COG5: variants seen among roughly 807,000 people sequenced by gnomAD.
COG5 encodes conserved oligomeric Golgi complex subunit 5.
In COG5, 86 loss-of-function variants were observed where a neutral mutation model predicts 110.4. The ratio of observed to expected loss-of-function variants is 0.78; its 90% CI spans 0.65 to 0.93. COG5 has a LOEUF of 0.93. Among genes scored for constraint, COG5 ranks in the 40% least tolerant of loss-of-function variants. COG5 has a pLI of 0.00. For synonymous variants in COG5, 360 were observed against 334.6 expected (o/e 1.08, Z -0.83); for missense variants, 1,077 against 987.0 (o/e 1.09, Z -1.22).
chr7:107,424,055 C>T (rs540172321), intron 6 of COG5, among the ~76,000 whole-genome samples: 2 of 152,044 alleles, frequency 1.3e-5, no homozygotes, highest in African/African-American at 4.8e-5. Flanking sequence ...GGCGGACTGC[C>T]CGAGCTCACG....
chr7:107,251,211 G>A (rs950945098), intron 16 of COG5, among the ~76,000 whole-genome samples: 1 of 150,944 alleles, frequency 6.6e-6, no homozygotes, highest in Non-Finnish European at 1.5e-5. Context: ...AAAGCATGGA[G>A]GCCAGAAAAC....
At chr7:107,220,311 C>A (rs1799821963) in intron 19 of COG5, among the ~76,000 whole-genome samples, 1 of 152,216 alleles carries the variant, frequency 6.6e-6, no homozygotes, top group African/African-American at 2.4e-5. Context: ...ACAATTATCA[C>A]CTCTCTGGGT....
At chr7:107,402,206 G>A (rs147543506) in intron 7 of COG5, among the ~76,000 whole-genome samples, 1 of 152,142 alleles carries the variant, frequency 6.6e-6, no homozygotes, top group Non-Finnish European at 1.5e-5. Context: ...ATAAGCACCA[G>A]GACCCTAGGC....
chr7:107,507,701 T>C (rs914276381), intron 6 of COG5, among the ~76,000 whole-genome samples: 4 of 152,090 alleles, frequency 2.6e-5, no homozygotes, highest in Non-Finnish European at 4.4e-5. Context: ...CCCTATTGTA[T>C]GGCAAGGTTA....
intron 11 of COG5, among the ~76,000 whole-genome samples, chr7:107,307,450 G>A (rs1340656281): frequency 3.3e-5 from 5 of 152,096 alleles, no homozygotes; most frequent in Admixed American, 3.3e-4. Context: ...ATAGTATAAT[G>A]AACCTCTGTG....
intron 11 of COG5, among the ~76,000 whole-genome samples, chr7:107,315,549 T>A (rs1442446078): frequency 6.7e-6 from 1 of 149,012 alleles, no homozygotes; most frequent in Non-Finnish European, 1.5e-5. Context: ...AGCTCTTGGA[T>A]TACCTTCTAA....
chr7:107,238,841 G>C (rs903484468), intron 17 of COG5, among the ~76,000 whole-genome samples: 1 of 152,054 alleles, frequency 6.6e-6, no homozygotes, highest in Non-Finnish European at 1.5e-5. Flanking sequence ...GTTTAAATCA[G>C]GTTGTTTTCT....
chr7:107,321,709 G>C (rs1809305791), intron 11 of COG5, among the ~76,000 whole-genome samples: 1 of 152,090 alleles, frequency 6.6e-6, no homozygotes, highest in African/African-American at 2.4e-5. Flanking sequence ...TAAAAGAAAT[G>C]AATGTTGAGA....
intron 6 of COG5, among the ~76,000 whole-genome samples, chr7:107,493,289 T>C (rs1416797924): frequency 1.3e-5 from 2 of 152,174 alleles, no homozygotes; most frequent in Admixed American, 6.6e-5. Flanking sequence ...ATAAACTATA[T>C]AATCTGTAGT....
intron 3 of COG5, among the ~76,000 whole-genome samples, chr7:107,552,431 A>C (rs1802973567): frequency 6.6e-6 from 1 of 152,202 alleles, no homozygotes; most frequent in African/African-American, 2.4e-5. Context: ...TAATTCAACA[A>C]GCAAAAACAC....
intron 18 of COG5, 137 bp from the exon 19 acceptor site, chr7:107,230,828 A>T (rs1209290123): frequency 7.2e-6 from 5 of 691,610 alleles, no homozygotes; most frequent in Non-Finnish European, 1.3e-5. Flanking sequence ...GTGATGGCCA[A>T]CTAAATTTAT....
At chr7:107,412,653 C>T (rs1023645895) in intron 6 of COG5, 21 bp from the exon 7 acceptor site, 3 of 1,379,388 alleles carry the variant, frequency 2.2e-6, no homozygotes, top group Admixed American at 1.7e-5. Context: ...CAAAAACATA[C>T]ACATTCAAAT....
chr7:107,281,633 T>C (rs377573334), intron 13 of COG5, among the ~76,000 whole-genome samples: 2 of 152,124 alleles, frequency 1.3e-5, no homozygotes, highest in Non-Finnish European at 2.9e-5. Context: ...GCATGTCATA[T>C]GTGGGTTCAG....
chr7:107,453,338 A>G (rs1208657912), intron 6 of COG5, among the ~76,000 whole-genome samples: 1 of 152,206 alleles, frequency 6.6e-6, no homozygotes, highest in Admixed American at 6.5e-5. Flanking sequence ...GAATTGCTGC[A>G]TATGGTATTA....
intron 6 of COG5, among the ~76,000 whole-genome samples, chr7:107,503,802 T>C (rs1005088504): frequency 1.3e-5 from 2 of 152,166 alleles, no homozygotes; most frequent in Admixed American, 6.5e-5. Context: ...AGCTTGGTGG[T>C]TGGTGTGTAG....
chr7:107,517,309 A>G (rs1799992717), intron 6 of COG5, among the ~76,000 whole-genome samples: 1 of 152,200 alleles, frequency 6.6e-6, no homozygotes. Flanking sequence ...AGAATGAAAA[A>G]AAAATGAACA....
intron 7 of COG5, among the ~76,000 whole-genome samples, chr7:107,384,126 C>T (rs181692682): frequency 6.6e-5 from 10 of 152,256 alleles, no homozygotes; most frequent in Admixed American, 2.0e-4. Context: ...AGCCATCAGA[C>T]TCCAAATGGT....
chr7:107,436,653 T>C (rs537768530), intron 6 of COG5, among the ~76,000 whole-genome samples: 1 of 152,338 alleles, frequency 6.6e-6, no homozygotes, highest in South Asian at 2.1e-4. Context: ...TGTGTAGCAT[T>C]CATTTTAAAC....
At chr7:107,412,797 T>C (rs1311975110) in intron 6 of COG5, among the ~76,000 whole-genome samples, 165 bp from the exon 7 acceptor site, 1 of 152,060 alleles carries the variant, frequency 6.6e-6, no homozygotes, top group Non-Finnish European at 1.5e-5. Context: ...AAATATTTTC[T>C]ATTTAATAAG....
Sources: allele counts gnomAD v4.1 joint callset (sites outside exome capture counted in the v4.1 genomes callset), GRCh38; gene constraint gnomAD v4.1.1; transcripts MANE v1.5; gene names NCBI Gene and HGNC (gene_info 2026-07-23, HGNC 2026-07-21).